Variants in KLF7 observed in about 807,000 individuals in gnomAD.
KLF7 encodes the protein KLF transcription factor 7.
Under a neutral mutation model 27.3 loss-of-function variants are expected in KLF7, and 2 were observed. The ratio of observed to expected loss-of-function variants is 0.07; its 90% CI spans 0.03 to 0.23. KLF7 has a LOEUF of 0.23. Among genes scored for constraint, KLF7 ranks in the 10% least tolerant of loss-of-function variants. KLF7 has a pLI of 1.00. For synonymous variants in KLF7, 165 were observed against 162.4 expected (o/e 1.02, Z -0.12); for missense variants, 221 against 394.1 (o/e 0.56, Z 3.72).
intron 1 of KLF7, among the ~76,000 whole-genome samples, chr2:207,160,183 T>C (rs1446230955): frequency 1.3e-5 from 2 of 152,218 alleles, no homozygotes; most frequent in Non-Finnish European, 2.9e-5. Context: ...TTCTAATCAC[T>C]GTACTTGGTA....
At chr2:207,171,414 A>C (rs1002427061), upstream of KLF7, among the ~76,000 whole-genome samples, 3 of 152,228 alleles carry the variant, frequency 2.0e-5, no homozygotes, top group East Asian at 1.9e-4. Context: ...TTGATAAGGT[A>C]ATCACAGGGT....
chr2:207,085,690 C>T (rs116508393), intron 3 of KLF7, among the ~76,000 whole-genome samples: 2,398 of 152,222 alleles, frequency 0.016, 63 homozygotes, highest in African/African-American at 0.051. Flanking sequence ...TTTCCACTTC[C>T]GATAAGGCAT....
the KLF7 span, among the ~76,000 whole-genome samples, chr2:207,172,413 G>T: frequency 6.6e-6 from 1 of 152,074 alleles, no homozygotes. Flanking sequence ...CTGGGTCTTT[G>T]TGTCTTCATT....
At chr2:207,153,237 T>C (rs1574577830) in intron 1 of KLF7, among the ~76,000 whole-genome samples, 1 of 152,086 alleles carries the variant, frequency 6.6e-6, no homozygotes, top group Admixed American at 6.5e-5. Flanking sequence ...ACACCTTTGG[T>C]TCAGGTATAC....
intron 1 of KLF7, among the ~76,000 whole-genome samples, chr2:207,152,911 T>C (rs1484361152): frequency 6.6e-6 from 1 of 152,172 alleles, no homozygotes; most frequent in African/African-American, 2.4e-5. Context: ...ACAGGGTTAA[T>C]TGAAGAGTGC....
At chr2:207,083,200 T>TCAA (rs930373239) in intron 3 of KLF7, among the ~76,000 whole-genome samples, 10 of 152,090 alleles carry the variant, frequency 6.6e-5, no homozygotes, top group Non-Finnish European at 1.3e-4. Flanking sequence ...CACAGAAAAA[T>TCAA]CAATACAGCC....
At chr2:207,103,166 G>T (rs1393338086) in intron 2 of KLF7, among the ~76,000 whole-genome samples, 5 of 152,226 alleles carry the variant, frequency 3.3e-5, no homozygotes, top group African/African-American at 9.6e-5. Flanking sequence ...GACCTCAGGT[G>T]ATCCACCTGT....
At chr2:207,103,073 G>A (rs958544658) in intron 2 of KLF7, among the ~76,000 whole-genome samples, 31 of 152,022 alleles carry the variant, frequency 2.0e-4, no homozygotes, top group African/African-American at 7.5e-4. Flanking sequence ...GATTACAGGT[G>A]CCCGCCACCA....
Position 207,165,913 on chromosome 2 carries a change from T to C in KLF7, c.-345A>G. ...ATCAGGAAGGGGGATGCAAACTCAC[T>C]GACACGAAGCTGCCATCTATTTCTG... On this transcript the variant is annotated 5_prime_UTR_variant, in exon 1 of 4. Coordinates refer to ENST00000309446, the MANE Select transcript of KLF7 (RefSeq NM_003709.4). The C allele has an allele frequency of 9.0e-7, 1 of 1,112,556 alleles. No individual in the cohort carries two copies. The allele number at this position is 1,112,556 out of a possible 1,614,324, so 68.9% of individuals were successfully genotyped here.
intron 2 of KLF7, among the ~76,000 whole-genome samples, chr2:207,116,816 C>T (rs977318374): frequency 2.0e-5 from 3 of 152,134 alleles, no homozygotes; most frequent in African/African-American, 7.2e-5. Context: ...AATTCTATTA[C>T]TTTCACTGCC....
At chr2:207,157,219 T>TAAAAAAAAAAAAAAAAAAAAAAAAAAA (rs5838052) in intron 1 of KLF7, among the ~76,000 whole-genome samples, 34 of 87,266 alleles carry the variant, frequency 3.9e-4, no homozygotes, top group East Asian at 6.5e-4. Flanking sequence ...AACAGAAAAG[T>TAAAAAAAAAAAAAAAAAAAAAAAAAAA]AAAAAAAAAA....
chr2:207,165,356 A>C, intron 1 of KLF7, 111 bp downstream of exon 1: 1 of 1,460,126 alleles, frequency 6.8e-7, no homozygotes, highest in African/African-American at 1.4e-5. Flanking sequence ...AAAAAGGAAG[A>C]AAAAAAAGTC....
chr2:207,163,543 G>T (rs1217156363), intron 1 of KLF7, among the ~76,000 whole-genome samples: 1 of 152,204 alleles, frequency 6.6e-6, no homozygotes, highest in Non-Finnish European at 1.5e-5. Context: ...GGTCTAGCCA[G>T]ATCTAGAAAA....
intron 2 of KLF7, among the ~76,000 whole-genome samples, chr2:207,091,352 C>T (rs945424946): frequency 7.9e-5 from 12 of 152,344 alleles, no homozygotes; most frequent in African/African-American, 2.2e-4. Context: ...TCAGTGTCCT[C>T]GTGGCTGTGT....
chr2:207,146,263 C>T (rs911117619), intron 1 of KLF7, among the ~76,000 whole-genome samples: 12 of 152,188 alleles, frequency 7.9e-5, no homozygotes, highest in African/African-American at 2.7e-4. Context: ...ATATTCCCCA[C>T]ATTCTCTCCA....
At chr2:207,132,250 G>A (rs575657464) in intron 1 of KLF7, among the ~76,000 whole-genome samples, 11 of 152,274 alleles carry the variant, frequency 7.2e-5, no homozygotes, top group Admixed American at 2.0e-4. Flanking sequence ...CAGGATTGCT[G>A]AACTCCATGA....
upstream of KLF7, chr2:207,166,920 T>TCCCCG (rs1207218046): frequency 1.1e-3 from 1,086 of 995,502 alleles, 8 homozygotes; most frequent in African/African-American, 0.017. Context: ...TTGCGCACAG[T>TCCCCG]CCCCGCCCCG....
In KLF7 at chr2:207,165,776, G is replaced by C. The variant is rs2078689394; in HGVS notation, c.-208C>G. 1 of 1,431,812 alleles carries C rather than the reference G, an allele frequency of 7.0e-7. No homozygotes were observed. The allele number at this position is 1,431,812 out of a possible 1,614,324, so 88.7% of individuals were successfully genotyped here. A position where few individuals can be genotyped will look rare whatever the true frequency, so the allele number is the denominator to read the frequency against. ...GGTGAGAGAGGAGCGAGTGAGTGGG[G>C]TGGATGGAGAGAGGCATCCAGCGTG... On this transcript the variant is annotated 5_prime_UTR_variant, in exon 1 of 4. Coordinates refer to ENST00000309446, the MANE Select transcript of KLF7 (RefSeq NM_003709.4).
In KLF7 at chr2:207,077,778, T is replaced by TA. The variant is rs2076201975; in HGVS notation, c.*3434dup. ...AGTCATGTGGCAGGAGAAAGAAGTATAATTTGAAATTACAAAAAAAAAAAA... is the reference window on the plus strand; with the variant it reads ...AGTCATGTGGCAGGAGAAAGAAGTATAAATTTGAAATTACAAAAAAAAAAAA... On this transcript the variant is annotated 3_prime_UTR_variant, in exon 4 of 4. Transcript: ENST00000309446. 1 of 140,296 alleles carries TA rather than the reference T, an allele frequency of 7.1e-6. No individual in the cohort carries two copies. The highest frequency in any genetic ancestry group is 2.5e-5 in the African/African-American group (1 of 39,784). 8.7% of individuals were successfully genotyped at this position (140,296 alleles called of 1,614,324 possible).
Sources: gnomAD v4.1 joint callset for allele counts (sites outside exome capture counted in the v4.1 genomes callset) on GRCh38, gnomAD v4.1.1 for gene constraint, MANE v1.5 for transcripts, NCBI Gene and HGNC (gene_info 2026-07-23, HGNC 2026-07-21) for gene names.